TSPAN9: variants seen among roughly 807,000 people sequenced by gnomAD.
TSPAN9 encodes the protein tetraspanin 9.
A neutral mutation model predicts 31.0 loss-of-function variants in TSPAN9; 16 were observed. That is an observed-to-expected ratio of 0.52 (90% CI 0.35 to 0.78). TSPAN9 has a LOEUF of 0.78. Ranked by LOEUF, TSPAN9 falls within the 30% of genes least tolerant of loss-of-function variation. The probability of loss-of-function intolerance (pLI) is 0.01; values close to 1 mark genes in which losing one functional copy is unlikely to be tolerated. For missense variants in TSPAN9, 272 were observed against 312.5 expected (o/e 0.87, Z 0.98); for synonymous variants, 145 against 121.6 (o/e 1.19, Z -1.27).
rs140308586 is a variant in TSPAN9 at position 3,158,946 on chromosome 12, G to A, written c.-17-42231G>A. ...TTGGGAACGTACTCCTCCTTTGCCCGGCACGTCACAGATATGAAATTAATG... is the reference window on the plus strand; with the variant it reads ...TTGGGAACGTACTCCTCCTTTGCCCAGCACGTCACAGATATGAAATTAATG... On this transcript the variant is annotated intron_variant, in intron 2 of 8. Coordinates refer to ENST00000011898, the MANE Select transcript of TSPAN9 (RefSeq NM_006675.5). Among the ~76,000 whole-genome samples, 409 of 151,562 alleles carry A rather than the reference G, an allele frequency of 2.7e-3. 2 individuals carry two copies. The highest frequency in any genetic ancestry group is 9.3e-3 in the African/African-American group (385 of 41,284).
At chr12:3,237,925 A>G (rs180752751) in intron 3 of TSPAN9, among the ~76,000 whole-genome samples, 4 of 152,296 alleles carry the variant, frequency 2.6e-5, no homozygotes, top group Admixed American at 2.0e-4. Context: ...TGAACTCAGC[A>G]TACATTTGCT....
intron 2 of TSPAN9, among the ~76,000 whole-genome samples, chr12:3,106,508 G>A (rs922163095): frequency 2.6e-5 from 4 of 152,302 alleles, no homozygotes; most frequent in South Asian, 2.1e-4. Flanking sequence ...GGTGGCTCAC[G>A]CCTGTAATCC....
At chr12:3,175,857 G>A (rs558177906) in intron 2 of TSPAN9, among the ~76,000 whole-genome samples, 1 of 152,296 alleles carries the variant, frequency 6.6e-6, no homozygotes, top group Non-Finnish European at 1.5e-5. Flanking sequence ...CAGGGAGGTG[G>A]CTCTGGGGAG....
At chr12:3,268,155 C>CCT (rs1862572487) in intron 3 of TSPAN9, among the ~76,000 whole-genome samples, 1 of 142,448 alleles carries the variant, frequency 7.0e-6, no homozygotes, top group Admixed American at 6.9e-5. Flanking sequence ...GCCTGCCCTC[C>CCT]GTGCATTCCT....
intron 2 of TSPAN9, among the ~76,000 whole-genome samples, chr12:3,165,109 G>C (rs902876972): frequency 2.0e-5 from 3 of 152,176 alleles, no homozygotes; most frequent in African/African-American, 7.2e-5. Context: ...TCTGTGATCT[G>C]TATTTGGTCC....
At chr12:3,153,936 T>C (rs1021004312) in intron 2 of TSPAN9, among the ~76,000 whole-genome samples, 24 of 151,828 alleles carry the variant, frequency 1.6e-4, no homozygotes, top group Admixed American at 1.4e-3. Flanking sequence ...CTGTTGAATG[T>C]GCAGCTCACA....
chr12:3,281,446 T>TC, intron 7 of TSPAN9, 117 bp downstream of exon 7: 1 of 1,299,072 alleles, frequency 7.7e-7, no homozygotes, highest in African/African-American at 1.6e-5. Flanking sequence ...AATGTGGCGG[T>TC]GGGGGGCTCA....
intron 3 of TSPAN9, among the ~76,000 whole-genome samples, chr12:3,235,747 C>T (rs1159376888): frequency 2.0e-5 from 3 of 152,256 alleles, no homozygotes; most frequent in Non-Finnish European, 2.9e-5. Flanking sequence ...CAGTTTGGTG[C>T]TTTCCCTGTG....
At chr12:3,150,529 C>T (rs558368309) in intron 2 of TSPAN9, among the ~76,000 whole-genome samples, 12 of 152,246 alleles carry the variant, frequency 7.9e-5, no homozygotes, top group East Asian at 1.9e-4. Flanking sequence ...CTGATATATA[C>T]GCACGTTGCT....
At chr12:3,262,837 C>T (rs1862475584) in intron 3 of TSPAN9, among the ~76,000 whole-genome samples, 1 of 152,198 alleles carries the variant, frequency 6.6e-6, no homozygotes, top group South Asian at 2.1e-4. Flanking sequence ...AGACTGCCAT[C>T]TCCTCCCTTG....
chr12:3,250,300 AG>A, intron 3 of TSPAN9, among the ~76,000 whole-genome samples: 1 of 152,328 alleles, frequency 6.6e-6, no homozygotes, highest in African/African-American at 2.4e-5. Flanking sequence ...TCGAGCTTCA[AG>A]GGTTGCCTGG....
Position 3,281,624 on chromosome 12 carries a change from C to T in TSPAN9, c.565-110C>T, listed in dbSNP as rs1862896418. ...GGGACAGGGCTGAGGCCAGGGAGGG[C>T]TGGGAGGTAAGAGCGAGGACGAGGT... On this transcript the variant is annotated intron_variant, in intron 7 of 8. Coordinates refer to ENST00000011898, the MANE Select transcript of TSPAN9 (RefSeq NM_006675.5). The T allele has an allele frequency of 3.1e-6, 4 of 1,307,392 alleles. No individual in the cohort carries two copies. In the Admixed American group the frequency reaches 8.4e-5, roughly 27 times the overall value. The allele number at this position is 1,307,392 out of a possible 1,614,324, so 81.0% of individuals were successfully genotyped here. A position where few individuals can be genotyped will look rare whatever the true frequency, so the allele number is the denominator to read the frequency against.
At chr12:3,145,476 C>A (rs891050463) in intron 2 of TSPAN9, among the ~76,000 whole-genome samples, 1 of 152,096 alleles carries the variant, frequency 6.6e-6, no homozygotes, top group African/African-American at 2.4e-5. Flanking sequence ...TTTTTGATAC[C>A]CGTGGGCAGA....
At chr12:3,238,468 A>G (rs1591697995) in intron 3 of TSPAN9, among the ~76,000 whole-genome samples, 2 of 152,110 alleles carry the variant, frequency 1.3e-5, no homozygotes, top group East Asian at 3.9e-4. Flanking sequence ...CGTGAATGTC[A>G]TTGAGTTTAT....
chr12:3,096,789 T>C (rs2098309304), intron 2 of TSPAN9, among the ~76,000 whole-genome samples: 1 of 151,868 alleles, frequency 6.6e-6, no homozygotes, highest in Non-Finnish European at 1.5e-5. Flanking sequence ...GCCTCCCGGG[T>C]TCACGCCATT....
At chr12:3,246,471 A>G (rs773338166) in intron 3 of TSPAN9, among the ~76,000 whole-genome samples, 2 of 152,150 alleles carry the variant, frequency 1.3e-5, no homozygotes, top group Non-Finnish European at 2.9e-5. Context: ...GGCCCTGAAC[A>G]CTGTTTCCTT....
chr12:3,286,294 T>G lies in TSPAN9; in HGVS notation c.*3178T>G, dbSNP rs6869. On this transcript the variant is annotated 3_prime_UTR_variant, in exon 9 of 9. Coordinates refer to ENST00000011898, the MANE Select transcript of TSPAN9 (RefSeq NM_006675.5). The surrounding 1 kb of genome is among the most constrained non-coding windows in gnomAD (Gnocchi z 4.1). ...CTTTCCTCCTCCCCACTGCAGTGAG[T>G]CAATAGTCCAGGGTGGGGCCTGGCC... The G allele has an allele frequency of 0.14, 20,880 of 152,586 alleles. 1,764 individuals are homozygous for G. The highest frequency in any genetic ancestry group is 0.2 in the Middle Eastern group (60 of 294). 9.5% of individuals were successfully genotyped at this position (152,586 alleles called of 1,614,324 possible).
At chr12:3,157,551 A>C (rs1481339773) in intron 2 of TSPAN9, among the ~76,000 whole-genome samples, 1 of 152,216 alleles carries the variant, frequency 6.6e-6, no homozygotes, top group Non-Finnish European at 1.5e-5. Flanking sequence ...CTCACTGGGT[A>C]TTTTGTAAGG....
At chr12:3,123,909 T>C (rs967464981) in intron 2 of TSPAN9, among the ~76,000 whole-genome samples, 1 of 151,996 alleles carries the variant, frequency 6.6e-6, no homozygotes, top group African/African-American at 2.4e-5. Context: ...TGATGAAGGA[T>C]GAGAGGTTTA....
Sources: allele counts gnomAD v4.1 joint callset (sites outside exome capture counted in the v4.1 genomes callset), GRCh38; gene constraint gnomAD v4.1.1; non-coding constraint Gnocchi (gnomAD v3.1); transcripts MANE v1.5; gene names NCBI Gene and HGNC (gene_info 2026-07-23, HGNC 2026-07-21).